The following ARHGEF3 variants were observed in gnomAD, a reference collection of about 807,000 sequenced individuals.
The protein encoded by ARHGEF3 is 59.8 kDA protein.
A neutral mutation model predicts 63.2 loss-of-function variants in ARHGEF3; 28 were observed. That is an observed-to-expected ratio of 0.44 (90% CI 0.33 to 0.61). ARHGEF3 has a LOEUF of 0.61. ARHGEF3 is among the 20% of genes least tolerant of loss of function. The probability of loss-of-function intolerance (pLI) is 0.03; values close to 1 mark genes in which losing one functional copy is unlikely to be tolerated. For missense variants in ARHGEF3, 533 were observed against 659.3 expected, an observed-to-expected ratio of 0.81 and a Z score of 2.10; for synonymous variants, 266 against 254.2, an observed-to-expected ratio of 1.05 and a Z score of -0.44.
intron 1 of ARHGEF3, 100 bp downstream of exon 1, chr3:56,801,603 A>C (rs2037651768): frequency 7.0e-7 from 1 of 1,423,704 alleles, no homozygotes; most frequent in Non-Finnish European, 9.4e-7. Context: ...AGAGATGGAA[A>C]CAGAGACAGT....
intron 2 of ARHGEF3, among the ~76,000 whole-genome samples, chr3:56,978,594 G>A (rs1701210352): frequency 6.6e-6 from 1 of 152,094 alleles, no homozygotes. Context: ...TTCTATATGG[G>A]CATATCAAAT....
At chr3:56,945,961 G>A (rs902458334) in intron 3 of ARHGEF3, among the ~76,000 whole-genome samples, 2 of 152,162 alleles carry the variant, frequency 1.3e-5, no homozygotes, top group Non-Finnish European at 2.9e-5. Context: ...AGCAGCATTT[G>A]CTGTTCACCA....
intron 1 of ARHGEF3, among the ~76,000 whole-genome samples, chr3:56,777,502 A>C (rs1296076713): frequency 1.3e-5 from 2 of 152,218 alleles, no homozygotes; most frequent in Non-Finnish European, 2.9e-5. Context: ...TCTAGGGGAT[A>C]CAATGATTTT....
chr3:56,862,743 G>T (rs1210990340), intron 4 of ARHGEF3, among the ~76,000 whole-genome samples: 1 of 152,184 alleles, frequency 6.6e-6, no homozygotes, highest in Non-Finnish European at 1.5e-5. Context: ...GTTTGTGGTT[G>T]CAGCTGAGCA....
At chr3:56,920,304 T>C (rs1485964428) in intron 3 of ARHGEF3, among the ~76,000 whole-genome samples, 1 of 152,186 alleles carries the variant, frequency 6.6e-6, no homozygotes, top group African/African-American at 2.4e-5. Flanking sequence ...ACAACCCCTC[T>C]TGTTGGGCTC....
chr3:56,782,637 C>T (rs1559935493), intron 1 of ARHGEF3, among the ~76,000 whole-genome samples: 1 of 123,328 alleles, frequency 8.1e-6, no homozygotes, highest in Non-Finnish European at 1.6e-5. Context: ...GAAAAGATCC[C>T]AATTTCCTTC....
At chr3:56,943,893 G>A (rs1173655868) in intron 3 of ARHGEF3, among the ~76,000 whole-genome samples, 7 of 147,428 alleles carry the variant, frequency 4.7e-5, no homozygotes, top group African/African-American at 1.0e-4. Flanking sequence ...CAGCCTGGGC[G>A]ACAGAGAGAG....
chr3:56,882,415 G>T, intron 3 of ARHGEF3: 1 of 1,451,436 alleles, frequency 6.9e-7, no homozygotes, highest in Non-Finnish European at 9.4e-7. Flanking sequence ...TTTGATTAAG[G>T]CAAGAAAAAA....
rs60299557 is a variant in ARHGEF3, at chr3:56,994,064, C to CAA, written c.63-35177_63-35176dup. On this transcript the variant is annotated intron_variant, in intron 2 of 12. Coordinates refer to the ARHGEF3 transcript ENST00000338458. ...GGGCGACAAGAGTGAAACTTCGTCT[C>CAA]AAAAAAAAAAAAAAAAAAAAAGCAC... 2.7e-3 allele frequency among the ~76,000 whole-genome samples: 162 copies of CAA among 59,676 alleles called. 16 individuals carry two copies. Among genetic ancestry groups the CAA allele is most frequent in the South Asian group, 3.7e-3 (5 of 1,366 alleles). The allele number at this position is 59,676 out of a possible 152,430, so 39.1% of individuals were successfully genotyped here.
intron 1 of ARHGEF3, chr3:56,775,646 C>G (rs1281428737): frequency 1.0e-6 from 1 of 985,648 alleles, no homozygotes; most frequent in Non-Finnish European, 1.2e-6. Context: ...AAAGATCTGA[C>G]AGCTCTTCTG....
At chr3:57,040,428 G>A (rs1159237055) in intron 1 of ARHGEF3, among the ~76,000 whole-genome samples, 1 of 143,134 alleles carries the variant, frequency 7.0e-6, no homozygotes. Flanking sequence ...AGTGAGCTGA[G>A]ATCACGCCAC....
intron 2 of ARHGEF3, among the ~76,000 whole-genome samples, chr3:56,972,629 A>G (rs1028260928): frequency 6.6e-6 from 1 of 152,040 alleles, no homozygotes; most frequent in Admixed American, 6.5e-5. Context: ...TTAGGTGGAC[A>G]GGATAGCTCA....
At chr3:56,807,200 T>C (rs1413371042) in intron 4 of ARHGEF3, among the ~76,000 whole-genome samples, 2 of 152,168 alleles carry the variant, frequency 1.3e-5, no homozygotes, top group Non-Finnish European at 2.9e-5. Context: ...TTCCTTTTTC[T>C]TTAAAGGCTT....
At chr3:57,069,063 C>T (rs540177481) in intron 1 of ARHGEF3, among the ~76,000 whole-genome samples, 1 of 152,012 alleles carries the variant, frequency 6.6e-6, no homozygotes, top group Admixed American at 6.6e-5. Flanking sequence ...ACTGGGATTA[C>T]AGGCACTCAC....
intron 2 of ARHGEF3, among the ~76,000 whole-genome samples, chr3:57,003,048 G>C (rs1702322211): frequency 6.6e-6 from 1 of 151,674 alleles, no homozygotes; most frequent in South Asian, 2.1e-4. Flanking sequence ...GGGATTACAG[G>C]CGTGAGCCAC....
chr3:56,749,460 A>C (rs187795480), intron 6 of ARHGEF3, among the ~76,000 whole-genome samples: 1 of 152,368 alleles, frequency 6.6e-6, no homozygotes, highest in East Asian at 1.9e-4. Flanking sequence ...TCTCATCAAA[A>C]GCAGAGGAGT....
chr3:56,774,470 A>G (rs2036182481), intron 1 of ARHGEF3, among the ~76,000 whole-genome samples: 1 of 152,204 alleles, frequency 6.6e-6, no homozygotes, highest in Admixed American at 6.5e-5. Context: ...TTTCTATACT[A>G]TATATAGCCA....
At chr3:56,899,815 G>A (rs2041445078) in intron 3 of ARHGEF3, among the ~76,000 whole-genome samples, 3 of 152,164 alleles carry the variant, frequency 2.0e-5, no homozygotes, top group Non-Finnish European at 2.9e-5. Context: ...GAAAAGGGAC[G>A]CCTCCTTTTT....
chr3:56,973,461 T>C (rs1488534070), intron 2 of ARHGEF3, among the ~76,000 whole-genome samples: 4 of 152,252 alleles, frequency 2.6e-5, no homozygotes, highest in South Asian at 2.1e-4. Flanking sequence ...AAGAGCAGAT[T>C]TGGGGACAAA....
Sources: allele counts gnomAD v4.1 joint callset (sites outside exome capture counted in the v4.1 genomes callset), GRCh38; gene constraint gnomAD v4.1.1; transcripts MANE v1.5; gene names NCBI Gene and HGNC (gene_info 2026-07-23, HGNC 2026-07-21).